Variants in PLAC9 observed in about 807,000 individuals in gnomAD.
PLAC9 encodes the protein placenta-specific protein 9.
In PLAC9, 12 loss-of-function variants were observed where a neutral mutation model predicts 11.5. That is an observed-to-expected ratio of 1.05 (90% confidence interval 0.67 to 1.69). The LOEUF (loss-of-function observed/expected upper bound fraction) is 1.69, where lower values mean the gene tolerates loss of function less well. Among genes scored for constraint, PLAC9 ranks in the 40% most tolerant of loss-of-function variants. PLAC9 has a pLI of 0.00. For missense variants in PLAC9, 132 were observed against 130.5 expected (o/e 1.01, Z -0.06); for synonymous variants, 62 against 58.1 (o/e 1.07, Z -0.31).
chr10:80,132,796 G>A lies in PLAC9; in HGVS notation c.34G>A (p.Ala12Thr), dbSNP rs1293461200. 6.7e-6 allele frequency: 10 copies of A among 1,499,142 alleles called. No individual in the cohort carries two copies. The highest frequency in any genetic ancestry group is 8.8e-6 in the Non-Finnish European group (10 of 1,131,922). 92.9% of individuals were successfully genotyped at this position (1,499,142 alleles called of 1,614,324 possible). The change falls in exon 1 of 4, where the codon GCC becomes ACC. Residue 12 changes from alanine to threonine, a missense_variant. Transcript: ENST00000372263. ...RPLLCALTGL[A>T]LLRAAGSLAA... ...CCTGCTCTGCGCGCTGACCGGACTG[G>A]CCCTGCTCCGCGCCGCGGGCTCTTT...
In PLAC9 at chr10:80,145,311, C is replaced by T. The variant is rs192609715; in HGVS notation, c.*401C>T. On this transcript the variant is annotated 3_prime_UTR_variant, in exon 4 of 4. Coordinates refer to ENST00000372263, the MANE Select transcript of PLAC9 (RefSeq NM_001012973.3). ...CCAAATCTGCATTGCAATGAGACCC[C>T]CAGGGATTTTATGTGTCCATTAAAG... The T allele has an allele frequency of 5.5e-5, 17 of 308,666 alleles. No homozygotes were observed. The East Asian group carries it at 1.4e-3, about 26-fold the overall frequency. 19.1% of individuals were successfully genotyped at this position (308,666 alleles called of 1,614,324 possible).
At chr10:80,132,481 T>C, upstream of PLAC9, 1 of 398,256 alleles carries the variant, frequency 2.5e-6, no homozygotes. Flanking sequence ...CCGCCTTCCC[T>C]CCCGGGCTCC....
chr10:80,143,028 A>C (rs1430133254), intron 2 of PLAC9, among the ~76,000 whole-genome samples: 2 of 147,826 alleles, frequency 1.4e-5, no homozygotes, highest in Non-Finnish European at 3.0e-5. Context: ...CGGCCAATAC[A>C]TATATTACAT....
chr10:80,144,154 A>C (rs1845072638), intron 2 of PLAC9, 69 bp from the exon 3 acceptor site: 1 of 1,609,716 alleles, frequency 6.2e-7, no homozygotes, highest in Admixed American at 1.7e-5. Flanking sequence ...CTGCTCTCTT[A>C]GGACCTAGCT....
chr10:80,136,286 C>A (rs1802790137), intron 1 of PLAC9, among the ~76,000 whole-genome samples: 1 of 152,096 alleles, frequency 6.6e-6, no homozygotes, highest in Non-Finnish European at 1.5e-5. Flanking sequence ...ACGCAGCATC[C>A]AAGGAGGTCC....
At chr10:80,132,273 G>T (rs1207367415), upstream of PLAC9, among the ~76,000 whole-genome samples, 6 of 152,116 alleles carry the variant, frequency 3.9e-5, no homozygotes, top group African/African-American at 1.2e-4. Flanking sequence ...TTAATTTCTT[G>T]TTCGTAGGTA....
At chr10:80,133,031 T>G (rs1232111307) in intron 1 of PLAC9, among the ~76,000 whole-genome samples, 3 of 150,946 alleles carry the variant, frequency 2.0e-5, no homozygotes, top group Non-Finnish European at 1.5e-5. Context: ...AACGGAGAGA[T>G]AAAGGAGATA....
upstream of PLAC9, among the ~76,000 whole-genome samples, chr10:80,132,038 T>C (rs115342865): frequency 4.7e-3 from 712 of 152,400 alleles, 3 homozygotes; most frequent in African/African-American, 0.016. Flanking sequence ...AAGTTTCCAC[T>C]ACTGTGCTCT....
intron 1 of PLAC9, among the ~76,000 whole-genome samples, chr10:80,134,269 T>C (rs7091890): frequency 3.7e-4 from 56 of 149,434 alleles, no homozygotes; most frequent in African/African-American, 9.4e-4. Context: ...TTCTTTCTTT[T>C]TTTTTTTTTT....
At chr10:80,142,776 T>G (rs143329945) in intron 2 of PLAC9, among the ~76,000 whole-genome samples, 2 of 152,074 alleles carry the variant, frequency 1.3e-5, no homozygotes, top group Admixed American at 1.3e-4. Context: ...TGGAGTGCCG[T>G]GGTGCAGTCT....
At chr10:80,140,735 T>C (rs1256924183) in intron 1 of PLAC9, among the ~76,000 whole-genome samples, 4 of 152,146 alleles carry the variant, frequency 2.6e-5, no homozygotes, top group African/African-American at 4.8e-5. Flanking sequence ...GGTTTCACCA[T>C]GTTAGCCAGG....
intron 1 of PLAC9, among the ~76,000 whole-genome samples, chr10:80,136,735 A>G (rs2132333855): frequency 6.6e-6 from 1 of 151,530 alleles, no homozygotes; most frequent in Non-Finnish European, 1.5e-5. Flanking sequence ...GTGACCTCAA[A>G]CTTCTGGCTT....
Position 80,142,546 on chromosome 10 carries a change from C to A in PLAC9, c.162+367C>A, listed in dbSNP as rs576767761. Among the ~76,000 whole-genome samples, 3 of 152,292 alleles carry A rather than the reference C, an allele frequency of 2.0e-5. No homozygotes were observed. In the East Asian group the frequency reaches 5.8e-4, roughly 29 times the overall value. On this transcript the variant is annotated intron_variant, in intron 2 of 3. Transcript: ENST00000372263. The stretch of plus-strand genomic sequence containing the variant: ...TGAGCATTCTCATTCATCATAAATA[C>A]AAACAGCGAGCCGTGGTATTAACAG...
chr10:80,138,107 G>C (rs1845000111), intron 1 of PLAC9, among the ~76,000 whole-genome samples: 1 of 152,146 alleles, frequency 6.6e-6, no homozygotes, highest in East Asian at 1.9e-4. Flanking sequence ...TCGTCAGACA[G>C]CCAGCTTTTG....
chr10:80,136,516 G>C (rs1239403363), intron 1 of PLAC9, among the ~76,000 whole-genome samples: 4 of 152,072 alleles, frequency 2.6e-5, no homozygotes, highest in Non-Finnish European at 5.9e-5. Context: ...CTGTCACCCT[G>C]GCTGCAGTGC....
intron 1 of PLAC9, among the ~76,000 whole-genome samples, chr10:80,135,646 T>C (rs964056488): frequency 1.3e-5 from 2 of 151,996 alleles, no homozygotes; most frequent in Non-Finnish European, 2.9e-5. Flanking sequence ...GCCCAAGTCT[T>C]GGTTTCTTTT....
At chr10:80,133,137 T>C (rs1289669927) in intron 1 of PLAC9, among the ~76,000 whole-genome samples, 3 of 151,184 alleles carry the variant, frequency 2.0e-5, no homozygotes, top group Admixed American at 6.6e-5. Context: ...AAAAAGGAGT[T>C]TGAGAGACAA....
chr10:80,134,171 G>A (rs1371123513), intron 1 of PLAC9, among the ~76,000 whole-genome samples: 3 of 148,810 alleles, frequency 2.0e-5, no homozygotes, highest in African/African-American at 7.4e-5. Flanking sequence ...TTCATGGGCA[G>A]TTTTATCTCA....
intron 2 of PLAC9, among the ~76,000 whole-genome samples, chr10:80,142,637 T>G (rs956487523): frequency 6.6e-6 from 1 of 152,222 alleles, no homozygotes; most frequent in African/African-American, 2.4e-5. Flanking sequence ...TATCTCAACA[T>G]ATAATTTTTA....
Sources: allele counts gnomAD v4.1 joint callset (sites outside exome capture counted in the v4.1 genomes callset), GRCh38; gene constraint gnomAD v4.1.1; transcripts MANE v1.5; gene names NCBI Gene and HGNC (gene_info 2026-07-23, HGNC 2026-07-21).